Variants in EDC3 observed in about 807,000 individuals in gnomAD.
EDC3 encodes enhancer of mRNA-decapping protein 3.
A neutral mutation model predicts 41.8 loss-of-function variants in EDC3; 20 were observed. The ratio of observed to expected loss-of-function variants is 0.48; its 90% CI spans 0.34 to 0.70. The LOEUF is 0.70. Ranked by LOEUF, EDC3 falls within the 30% of genes least tolerant of loss-of-function variation. The pLI, the probability that EDC3 is intolerant of heterozygous loss-of-function variation, is 0.01. For missense variants in EDC3, 444 were observed against 636.8 expected (o/e 0.70, Z 3.26); for synonymous variants, 206 against 243.2 (o/e 0.85, Z 1.42).
chr15:74,648,950 A>T (rs998442756), intron 4 of EDC3, among the ~76,000 whole-genome samples: 9 of 151,994 alleles, frequency 5.9e-5, no homozygotes, highest in Non-Finnish European at 1.0e-4. Context: ...TTGAGATAGG[A>T]TCTTGCTATG....
rs1480070186 is a variant in EDC3 at position 74,674,781 on chromosome 15, A to G, written c.164+180T>C. 4.5e-6 allele frequency: 3 copies of G among 663,662 alleles called. No homozygotes were observed. In the Admixed American group the frequency reaches 8.3e-5, roughly 18 times the overall value. The allele number at this position is 663,662 out of a possible 1,614,324, so 41.1% of individuals were successfully genotyped here. ...TGAAATCCCAGCACTTCGGGAGGCC[A>G]CAACGGGCAGATTACTTGAGGCCAG... On this transcript the variant is annotated intron_variant, in intron 2 of 6. Coordinates refer to ENST00000315127, the MANE Select transcript of EDC3 (RefSeq NM_025083.5).
At chr15:74,654,415 A>T (rs983757372) in intron 4 of EDC3, among the ~76,000 whole-genome samples, 1 of 152,218 alleles carries the variant, frequency 6.6e-6, no homozygotes, top group Admixed American at 6.5e-5. Context: ...AAGCAGTCAG[A>T]GGTAGATAGT....
At chr15:74,682,337 G>A (rs1049688788) in intron 1 of EDC3, among the ~76,000 whole-genome samples, 2 of 151,636 alleles carry the variant, frequency 1.3e-5, no homozygotes, top group Admixed American at 1.3e-4. Flanking sequence ...AAAAACCCAA[G>A]GCTGGGCACG....
intron 4 of EDC3, among the ~76,000 whole-genome samples, chr15:74,645,566 G>GT (rs1324351660): frequency 1.3e-5 from 1 of 76,892 alleles, no homozygotes; most frequent in Admixed American, 1.1e-4. Context: ...AAAAAAGTTG[G>GT]GGGGGGGGGG....
At chr15:74,654,898 T>C (rs1244356273) in intron 4 of EDC3, among the ~76,000 whole-genome samples, 1 of 152,188 alleles carries the variant, frequency 6.6e-6, no homozygotes, top group Non-Finnish European at 1.5e-5. Flanking sequence ...ATTCCAAACT[T>C]CAAACCAAAA....
chr15:74,685,445 T>C (rs1174939196), intron 1 of EDC3, among the ~76,000 whole-genome samples: 4 of 152,136 alleles, frequency 2.6e-5, no homozygotes, highest in African/African-American at 7.2e-5. Flanking sequence ...AGTGTGTGTG[T>C]CACCCCACTA....
At chr15:74,649,867 G>GA (rs1036714692) in intron 4 of EDC3, among the ~76,000 whole-genome samples, 17 of 150,886 alleles carry the variant, frequency 1.1e-4, no homozygotes, top group African/African-American at 3.6e-4. Flanking sequence ...AAAAGGGGGG[G>GA]GGGGTCACAA....
At chr15:74,659,304 T>C (rs1012771707) in intron 3 of EDC3, among the ~76,000 whole-genome samples, 1 of 150,502 alleles carries the variant, frequency 6.6e-6, no homozygotes, top group Non-Finnish European at 1.5e-5. Context: ...CTCTACTAAA[T>C]ACAAAAAATT....
intron 1 of EDC3, among the ~76,000 whole-genome samples, chr15:74,693,688 G>T (rs564831541): frequency 1.3e-5 from 2 of 152,128 alleles, no homozygotes; most frequent in African/African-American, 4.8e-5. Flanking sequence ...CTCAGTTATA[G>T]TAAGACTCAG....
intron 5 of EDC3, chr15:74,637,013 A>C (rs897563918): frequency 2.6e-5 from 4 of 152,194 alleles, no homozygotes; most frequent in African/African-American, 9.7e-5. Context: ...TGGACTGTGT[A>C]CCAGCAGTAT....
chr15:74,651,278 G>A (rs1411067987), intron 4 of EDC3, among the ~76,000 whole-genome samples: 1 of 152,216 alleles, frequency 6.6e-6, no homozygotes, highest in African/African-American at 2.4e-5. Flanking sequence ...AGCAGGGCAG[G>A]CCCAAGCTAG....
chr15:74,658,291 C>G (rs142330295), intron 3 of EDC3, among the ~76,000 whole-genome samples: 1 of 152,146 alleles, frequency 6.6e-6, no homozygotes, highest in Non-Finnish European at 1.5e-5. Context: ...ACTAAACCAA[C>G]TATGCTGCCC....
chr15:74,661,730 C>CAAA (rs765980886), intron 3 of EDC3, among the ~76,000 whole-genome samples: 1 of 109,652 alleles, frequency 9.1e-6, no homozygotes, highest in Non-Finnish European at 1.9e-5. Flanking sequence ...GACTCTGTCT[C>CAAA]AAAAAAAAAA....
chr15:74,684,761 G>C (rs2062916741), intron 1 of EDC3, among the ~76,000 whole-genome samples: 1 of 152,106 alleles, frequency 6.6e-6, no homozygotes, highest in African/African-American at 2.4e-5. Flanking sequence ...AATTTAGCAA[G>C]GTCACAGGAT....
intron 1 of EDC3, among the ~76,000 whole-genome samples, chr15:74,694,723 T>C (rs1416816368): frequency 6.9e-6 from 1 of 144,186 alleles, no homozygotes; most frequent in East Asian, 2.3e-4. Flanking sequence ...AACTTTTCAT[T>C]GGTGTGTGTG....
chr15:74,640,409 G>GGCC lies in EDC3; in HGVS notation c.974+54_974+56dup. ...TGTGTATGGGAGGCACTGTGGTGGT[G>GGCC]GCCAGGCAGAGCATCCTTACTCCAC... is the stretch of plus-strand genomic sequence containing the variant. On this transcript the variant is annotated intron_variant, in intron 5 of 6. Transcript: ENST00000315127. 1.9e-6 allele frequency: 3 copies of GGCC among 1,585,250 alleles called. No homozygotes were observed. The South Asian group carries it at 3.4e-5, about 18-fold the overall frequency.
At position 74,671,548 on chromosome 15, in the gene EDC3, A is replaced by T; in HGVS notation, c.391T>A (p.Ser131Thr). ...TTTGAGCACTGTTGCTGCTGCGGGG[A>T]AACGGCAACATCCTGGCTCTTCACA... ...TDVKSQDVAV[S>T]PQQQQCSKSY... Residue 131 changes from serine (S) to threonine (T), a missense_variant, in exon 3 of 7, where the codon TCC (serine) becomes ACC (threonine). Physicochemically the swap from Ser to Thr is moderately conservative, Grantham distance 58. Coordinates refer to ENST00000315127, the MANE Select transcript of EDC3 (RefSeq NM_025083.5). This position sits in a 1 kb window ranked among gnomAD's most constrained non-coding sequence, Gnocchi z 4.6. 1.9e-6 allele frequency: 3 copies of T among 1,614,152 alleles called. No homozygotes were observed. The highest frequency in any genetic ancestry group is 2.5e-6 in the Non-Finnish European group (3 of 1,180,036).
chr15:74,640,564 G>C lies in EDC3; in HGVS notation c.876C>G (p.Ser292=). 6.2e-7 allele frequency: 1 copy of C among 1,614,144 alleles called. No homozygotes were observed. The highest frequency in any genetic ancestry group is 8.5e-7 in the Non-Finnish European group (1 of 1,180,016). The stretch of plus-strand genomic sequence containing the variant: ...GGGTCAGCCCATGCTTCTCAGCCAC[G>C]GACAACAGCTTTTTATGCAGCTCAT... ...ISYELHKKLL[S]VAEKHGLTLE... The change falls in exon 5 of 7, where the codon TCC becomes TCG. Residue 292 remains serine (S), a synonymous_variant. Transcript: ENST00000315127.
rs537706100 is a variant in EDC3, at chr15:74,675,214, T to G, written c.-18-72A>C. On this transcript the variant is annotated intron_variant, in intron 1 of 6. Coordinates refer to ENST00000315127, the MANE Select transcript of EDC3 (RefSeq NM_025083.5). ...CTTTTAATTAAATTCAGCAAATATATCAGGCTCTGTACCAAGTGTTGGTTA... is the reference window on the plus strand; with the variant it reads ...CTTTTAATTAAATTCAGCAAATATAGCAGGCTCTGTACCAAGTGTTGGTTA... 34 of 1,397,046 alleles carry G rather than the reference T, an allele frequency of 2.4e-5. No homozygotes were observed. The Admixed American group carries it at 5.4e-4, about 22-fold the overall frequency. 86.5% of individuals were successfully genotyped at this position (1,397,046 alleles called of 1,614,324 possible). A position where few individuals can be genotyped will look rare whatever the true frequency, so the allele number is the denominator to read the frequency against.
Sources: allele counts gnomAD v4.1 joint callset (sites outside exome capture counted in the v4.1 genomes callset), GRCh38; gene constraint gnomAD v4.1.1; non-coding constraint Gnocchi (gnomAD v3.1); transcripts MANE v1.5; gene names NCBI Gene and HGNC (gene_info 2026-07-23, HGNC 2026-07-21).